The following LAP3 variants were observed in gnomAD, a reference collection of about 807,000 sequenced individuals.
LAP3 encodes the protein cytosol aminopeptidase.
A neutral mutation model predicts 58.8 loss-of-function variants in LAP3; 46 were observed. The observed-to-expected ratio is 0.78, with a 90% CI of 0.62 to 1.00. The LOEUF is 1.00. LAP3 is among the 50% of genes least tolerant of loss of function. The pLI, the probability that LAP3 is intolerant of heterozygous loss-of-function variation, is 0.00. For missense variants in LAP3, 615 were observed against 659.1 expected (o/e 0.93, Z 0.73); for synonymous variants, 257 against 237.7 (o/e 1.08, Z -0.75).
At position 17,607,766 on chromosome 4, in the gene LAP3, A is replaced by AGG. The variant is rs549158617; in HGVS notation, c.*178_*179dup. ...TTTCATTTCACACAAAGATTTATAA[A>AGG]GGTAAAGTTAATATCTTACTTGATA... On this transcript the variant is annotated 3_prime_UTR_variant, in exon 13 of 13. Transcript: ENST00000226299. The AGG allele has an allele frequency of 7.6e-4, 396 of 521,758 alleles. 4 individuals carry two copies. In the South Asian group the frequency reaches 0.012, roughly 16 times the overall value. The allele number at this position is 521,758 out of a possible 1,614,324, so 32.3% of individuals were successfully genotyped here.
chr4:17,607,477 C>A lies in LAP3; in HGVS notation c.1448C>A (p.Ala483Glu), dbSNP rs774727303. ...CCTAAGTGGGCACATTTAGACATAG[C>A]AGGCGTGATGACCAACAAAGATGAA... is the stretch of plus-strand genomic sequence containing the variant. ...THPKWAHLDI[A>E]GVMTNKDEVP... The change falls in exon 13 of 13, where the codon GCA (alanine) becomes GAA (glutamate). Residue 483 changes from alanine (A) to glutamate (E), a missense_variant. Physicochemically the swap from Ala to Glu is moderately radical, Grantham distance 107 (BLOSUM62 -1). Coordinates refer to ENST00000226299, the MANE Select transcript of LAP3 (RefSeq NM_015907.3). 2.5e-6 allele frequency: 4 copies of A among 1,613,998 alleles called. No homozygotes were observed. Among genetic ancestry groups the A allele is most frequent in the Non-Finnish European group, 3.4e-6 (4 of 1,180,004 alleles).
At chr4:17,579,500 T>C (rs2109016981) in intron 1 of LAP3, among the ~76,000 whole-genome samples, 1 of 152,354 alleles carries the variant, frequency 6.6e-6, no homozygotes, top group Non-Finnish European at 1.5e-5. Flanking sequence ...AGGGTCTATC[T>C]TGGTGACAAA....
At chr4:17,578,855 C>T (rs1713279464) in intron 1 of LAP3, among the ~76,000 whole-genome samples, 2 of 152,064 alleles carry the variant, frequency 1.3e-5, no homozygotes, top group South Asian at 2.1e-4. Flanking sequence ...ACAGTCCTTA[C>T]GTGGCAACAG....
intron 6 of LAP3, among the ~76,000 whole-genome samples, chr4:17,587,040 A>C (rs898616887): frequency 5.9e-5 from 9 of 152,180 alleles, no homozygotes; most frequent in East Asian, 3.9e-4. Flanking sequence ...TGGGAGATGG[A>C]GGTTGCAGTG....
intron 1 of LAP3, among the ~76,000 whole-genome samples, chr4:17,577,841 CGTCACCCGCG>C (rs1713251016): frequency 1.3e-5 from 2 of 152,218 alleles, no homozygotes; most frequent in Admixed American, 1.3e-4. Flanking sequence ...TTGCTCCAGT[CGTCACCCGCG>C]GTCCTGGCAG....
In LAP3 at chr4:17,580,165, C is replaced by CATATATATATATATAT. The variant is rs372439585; in HGVS notation, c.218+227_218+242dup. 2.8e-4 allele frequency among the ~76,000 whole-genome samples: 13 copies of CATATATATATATATAT among 45,984 alleles called. 2 individuals carry two copies. In the East Asian group the frequency reaches 0.015, roughly 54 times the overall value. The allele number at this position is 45,984 out of a possible 152,430, so 30.2% of individuals were successfully genotyped here. ...GGCATGCCTCACCACTCCCGGCTTT[C>CATATATATATATATAT]ATATATATATATATATGTATTTTTT... On this transcript the variant is annotated intron_variant, in intron 2 of 12. Transcript: ENST00000226299.
intron 10 of LAP3, 54 bp from the exon 11 acceptor site, chr4:17,604,534 G>A: frequency 7.6e-7 from 1 of 1,312,094 alleles, no homozygotes; most frequent in Non-Finnish European, 1.1e-6. Flanking sequence ...GGTGGCGGAG[G>A]AGCCCATTTT....
chr4:17,606,247 C>T (rs1714136351), intron 11 of LAP3, among the ~76,000 whole-genome samples: 1 of 152,364 alleles, frequency 6.6e-6, no homozygotes, highest in South Asian at 2.1e-4. Context: ...CATCAACCCA[C>T]AAAGCCTGTA....
chr4:17,591,566 C>G (rs549221814), intron 7 of LAP3, among the ~76,000 whole-genome samples: 2 of 152,258 alleles, frequency 1.3e-5, no homozygotes, highest in Non-Finnish European at 2.9e-5. Context: ...AAACCCAAAG[C>G]CTTCTTTGGG....
At chr4:17,584,073 G>A (rs1713438568) in intron 5 of LAP3, among the ~76,000 whole-genome samples, 1 of 152,244 alleles carries the variant, frequency 6.6e-6, no homozygotes, top group African/African-American at 2.4e-5. Context: ...TGGGGTCCCT[G>A]CCATCAGGAA....
At chr4:17,579,981 A>C (rs1467309268) in intron 2 of LAP3, 42 bp downstream of exon 2, 1 of 1,137,194 alleles carries the variant, frequency 8.8e-7, no homozygotes, top group Admixed American at 2.0e-5. Flanking sequence ...AGTGCCCCCA[A>C]ATCGAAACAG....
intron 7 of LAP3, among the ~76,000 whole-genome samples, chr4:17,589,924 CTTATTCAA>C (rs1372500542): frequency 2.6e-5 from 4 of 151,950 alleles, no homozygotes; most frequent in Non-Finnish European, 4.4e-5. Flanking sequence ...TCCCATTAAT[CTTATTCAA>C]CCATAAGTAT....
At chr4:17,583,449 G>C (rs751297130) in intron 4 of LAP3, 34 bp from the exon 5 acceptor site, 3 of 1,611,654 alleles carry the variant, frequency 1.9e-6, no homozygotes, top group Non-Finnish European at 2.5e-6. Context: ...GTCTTGGACT[G>C]ACTCCAGTTT....
At position 17,582,326 on chromosome 4, in the gene LAP3, G is replaced by C; in HGVS notation, c.312G>C (p.Lys104Asn). 1 of 1,614,168 alleles carries C rather than the reference G, an allele frequency of 6.2e-7. No individual in the cohort carries two copies. The highest frequency in any genetic ancestry group is 8.5e-7 in the Non-Finnish European group (1 of 1,180,034). The change falls in exon 4 of 13, where the codon AAG becomes AAC. Residue 104 changes from lysine to asparagine, a missense_variant. Physicochemically the swap from Lys to Asn is moderately conservative, Grantham distance 94. Transcript: ENST00000226299. ...PSVVLVGLGK[K>N]AAGIDEQENW... Reference sequence around the variant, plus strand: ...TGGTGCTAGTTGGCCTCGGCAAAAAGGCAGCTGGAATCGACGAACAGGAAA... The same window carrying C: ...TGGTGCTAGTTGGCCTCGGCAAAAACGCAGCTGGAATCGACGAACAGGAAA...
In LAP3 at chr4:17,606,798, C is replaced by A; in HGVS notation, c.1261-31C>A. On this transcript the variant is annotated intron_variant, in intron 11 of 12. Coordinates refer to ENST00000226299, the MANE Select transcript of LAP3 (RefSeq NM_015907.3). ...TGAATTTCCCACAACCTGCCTCATC[C>A]ACTCTTCCACCTGTCATACCTGTTC... 2.0e-6 allele frequency: 3 copies of A among 1,474,508 alleles called. No homozygotes were observed. In the South Asian group the frequency reaches 3.5e-5, roughly 17 times the overall value. The allele number at this position is 1,474,508 out of a possible 1,614,324, so 91.3% of individuals were successfully genotyped here.
intron 7 of LAP3, among the ~76,000 whole-genome samples, chr4:17,592,855 C>A (rs1206778018): frequency 6.6e-6 from 1 of 152,264 alleles, no homozygotes; most frequent in Non-Finnish European, 1.5e-5. Flanking sequence ...GTCACCCAGG[C>A]TGGAGTGCAC....
chr4:17,582,070 T>G (rs1713378727), intron 3 of LAP3: 1 of 600,026 alleles, frequency 1.7e-6, no homozygotes, highest in Middle Eastern at 4.5e-4. Flanking sequence ...GTATCCTCAC[T>G]TACTCTGCCT....
chr4:17,600,443 G>A (rs1713954999), intron 10 of LAP3, among the ~76,000 whole-genome samples: 1 of 152,032 alleles, frequency 6.6e-6, no homozygotes, highest in African/African-American at 2.4e-5. Context: ...AGTGAAGCGA[G>A]TACCCCCTTA....
At chr4:17,591,912 A>T (rs1300369796) in intron 7 of LAP3, among the ~76,000 whole-genome samples, 1 of 152,088 alleles carries the variant, frequency 6.6e-6, no homozygotes, top group East Asian at 1.9e-4. Context: ...AGATTTATAC[A>T]TACAGTGAAA....
Sources: gnomAD v4.1 joint callset for allele counts (sites outside exome capture counted in the v4.1 genomes callset) on GRCh38, gnomAD v4.1.1 for gene constraint, MANE v1.5 for transcripts, NCBI Gene and HGNC (gene_info 2026-07-23, HGNC 2026-07-21) for gene names.